Variants in MTMR12 observed in about 807,000 individuals in gnomAD.
The protein encoded by MTMR12 is myotubularin related protein 12.
Under a neutral mutation model 96.7 loss-of-function variants are expected in MTMR12, and 33 were observed. The ratio of observed to expected loss-of-function variants is 0.34; its 90% confidence interval spans 0.26 to 0.46. The LOEUF (loss-of-function observed/expected upper bound fraction) is 0.46, where lower values mean the gene tolerates loss of function less well. Among genes scored for constraint, MTMR12 ranks in the 20% least tolerant of loss-of-function variants. The pLI is 1.00. For missense variants in MTMR12, 721 were observed against 896.1 expected, an observed-to-expected ratio of 0.80 and a Z score of 2.49; for synonymous variants, 298 against 327.2, an observed-to-expected ratio of 0.91 and a Z score of 0.96.
rs1470360045 is a variant in MTMR12 at position 32,228,605 on chromosome 5, T to TC, written c.*1172_*1173insG. 10 of 113,268 alleles carry TC rather than the reference T, an allele frequency of 8.8e-5. No homozygotes were observed. The highest frequency in any genetic ancestry group is 3.0e-4 in the South Asian group (1 of 3,332). The allele number at this position is 113,268 out of a possible 1,614,324, so 7.0% of individuals were successfully genotyped here. A position where few individuals can be genotyped will look rare whatever the true frequency, so the allele number is the denominator to read the frequency against. ...CATATATATGTGATATATATATATA[T>TC]ATCATATATATGATATATATATATC... On this transcript the variant is annotated 3_prime_UTR_variant, in exon 16 of 16. Coordinates refer to ENST00000382142, the MANE Select transcript of MTMR12 (RefSeq NM_001040446.3).
At chr5:32,234,857 T>G in intron 14 of MTMR12, 105 bp downstream of exon 14, 2 of 1,112,856 alleles carry the variant, frequency 1.8e-6, no homozygotes, top group Non-Finnish European at 2.6e-6. Flanking sequence ...GTTTAGTGTA[T>G]GTGCTGCCAA....
chr5:32,308,565 C>G (rs1280795413), intron 1 of MTMR12, among the ~76,000 whole-genome samples: 1 of 152,032 alleles, frequency 6.6e-6, no homozygotes, highest in Non-Finnish European at 1.5e-5. Context: ...AACCTATATA[C>G]TTAAAAATAC....
At chr5:32,246,531 T>G (rs1242386348) in intron 10 of MTMR12, among the ~76,000 whole-genome samples, 1 of 152,088 alleles carries the variant, frequency 6.6e-6, no homozygotes, top group African/African-American at 2.4e-5. Context: ...GTCTATGGAG[T>G]TGACTATTGT....
chr5:32,240,830 G>A (rs1290630086), intron 12 of MTMR12, among the ~76,000 whole-genome samples: 1 of 152,100 alleles, frequency 6.6e-6, no homozygotes, highest in African/African-American at 2.4e-5. Flanking sequence ...CCAACTCCTG[G>A]CCCCAAGTGA....
chr5:32,286,654 T>C (rs989586061), intron 1 of MTMR12, among the ~76,000 whole-genome samples: 1 of 152,224 alleles, frequency 6.6e-6, no homozygotes, highest in Admixed American at 6.5e-5. Context: ...TCATTTATTA[T>C]TCAGAGCTTA....
chr5:32,234,008 G>C (rs1346020363), intron 14 of MTMR12, 74 bp from the exon 15 acceptor site: 18 of 1,558,682 alleles, frequency 1.2e-5, no homozygotes, highest in Non-Finnish European at 1.4e-5. Flanking sequence ...TCTGGACACA[G>C]GCACCAGGAA....
chr5:32,239,225 A>G (rs990456218), intron 12 of MTMR12, 52 bp from the exon 13 acceptor site: 1 of 1,481,150 alleles, frequency 6.8e-7, no homozygotes, highest in Non-Finnish European at 9.0e-7. Flanking sequence ...ATAAAATGTT[A>G]AAAAGTTTCA....
intron 1 of MTMR12, among the ~76,000 whole-genome samples, chr5:32,292,007 T>C (rs1426228763): frequency 6.6e-6 from 1 of 152,228 alleles, no homozygotes; most frequent in Non-Finnish European, 1.5e-5. Context: ...ATCATGGTAT[T>C]CCACACAGCA....
Position 32,312,205 on chromosome 5 carries a change from G to A in MTMR12, c.81+553C>T, listed in dbSNP as rs544935302. On this transcript the variant is annotated intron_variant, in intron 1 of 15. Transcript: ENST00000382142. The surrounding 1 kb of genome is among the most constrained non-coding windows in gnomAD (Gnocchi z 5.0). The stretch of plus-strand genomic sequence containing the variant: ...GACAGCGGAGAATTCCCAAGGGAGA[G>A]ACAAGCAGAGACTGGCTGAGGCCAG... Among the ~76,000 whole-genome samples the A allele has an allele frequency of 1.3e-5, 2 of 152,372 alleles. No homozygotes were observed. Among genetic ancestry groups the A allele is most frequent in the Admixed American group, 6.5e-5 (1 of 15,308 alleles).
chr5:32,243,868 A>G (rs1748572922), intron 10 of MTMR12, among the ~76,000 whole-genome samples: 1 of 152,236 alleles, frequency 6.6e-6, no homozygotes, highest in Admixed American at 6.5e-5. Context: ...ACACAAAGCC[A>G]TGGTTCATCC....
chr5:32,251,117 G>A (rs938181176), intron 8 of MTMR12, among the ~76,000 whole-genome samples: 64 of 147,846 alleles, frequency 4.3e-4, no homozygotes, highest in African/African-American at 1.3e-3. Flanking sequence ...GTGCAGTGGC[G>A]GGATCTCGGC....
chr5:32,308,443 C>T (rs1173032619), intron 1 of MTMR12, among the ~76,000 whole-genome samples: 1 of 152,088 alleles, frequency 6.6e-6, no homozygotes, highest in Non-Finnish European at 1.5e-5. Context: ...CTGAGGAACT[C>T]CTCCCACTGG....
rs1366722085 is a variant in MTMR12, at chr5:32,237,413, C to T, written c.1344+1588G>A. ...TGAACTTGGAGGTCCAGGCCTGGAG[C>T]GATTAGTCCAGACAGAAGCAGAAGA... On this transcript the variant is annotated intron_variant, in intron 13 of 15. Transcript: ENST00000382142. Among the ~76,000 whole-genome samples, 3 of 152,250 alleles carry T rather than the reference C, an allele frequency of 2.0e-5. No individual in the cohort carries two copies. In the East Asian group the frequency reaches 5.8e-4, roughly 29 times the overall value.
intron 1 of MTMR12, among the ~76,000 whole-genome samples, chr5:32,294,620 C>T (rs1326593406): frequency 2.0e-5 from 3 of 152,098 alleles, no homozygotes; most frequent in Non-Finnish European, 4.4e-5. Flanking sequence ...ACTTTTCACG[C>T]TGAACTGCAA....
chr5:32,269,450 T>C (rs1306211204), intron 5 of MTMR12, among the ~76,000 whole-genome samples: 3 of 151,968 alleles, frequency 2.0e-5, no homozygotes, highest in Non-Finnish European at 4.4e-5. Context: ...ATTATAGGCA[T>C]GCGCCACCAC....
rs1302649172 is a variant in MTMR12, at chr5:32,253,750, T to C, written c.789+1943A>G. Among the ~76,000 whole-genome samples, 4 of 152,260 alleles carry C rather than the reference T, an allele frequency of 2.6e-5. No homozygotes were observed. The East Asian group carries it at 7.7e-4, about 29-fold the overall frequency. On this transcript the variant is annotated intron_variant, in intron 8 of 15. Coordinates refer to ENST00000382142, the MANE Select transcript of MTMR12 (RefSeq NM_001040446.3). Reference sequence around the variant, plus strand: ...GATCCTCCCACCTCAGACGCCAGAGTAGCTGGGACTATGGGCATGTGCCAC... The same window carrying C: ...GATCCTCCCACCTCAGACGCCAGAGCAGCTGGGACTATGGGCATGTGCCAC...
intron 1 of MTMR12, among the ~76,000 whole-genome samples, chr5:32,311,151 C>T (rs1431949722): frequency 6.6e-6 from 1 of 152,122 alleles, no homozygotes; most frequent in African/African-American, 2.4e-5. Flanking sequence ...GCCACCATGC[C>T]CAGCCCAAAT....
intron 7 of MTMR12, among the ~76,000 whole-genome samples, chr5:32,257,721 T>C (rs1356857702): frequency 1.3e-5 from 2 of 151,890 alleles, no homozygotes; most frequent in Non-Finnish European, 1.5e-5. Context: ...TGAGCCAAGA[T>C]TGCGCCACTC....
At chr5:32,301,650 G>T (rs1020385015) in intron 1 of MTMR12, among the ~76,000 whole-genome samples, 2 of 152,198 alleles carry the variant, frequency 1.3e-5, no homozygotes, top group Non-Finnish European at 2.9e-5. Flanking sequence ...CAGCACTTTG[G>T]GGGGCCGAGG....
Sources: gnomAD v4.1 joint callset for allele counts (sites outside exome capture counted in the v4.1 genomes callset) on GRCh38, gnomAD v4.1.1 for gene constraint, Gnocchi (gnomAD v3.1) non-coding constraint, MANE v1.5 for transcripts, NCBI Gene and HGNC (gene_info 2026-07-23, HGNC 2026-07-21) for gene names.